The following PRKCZ variants were observed in gnomAD, a reference collection of about 807,000 sequenced individuals.
The protein encoded by PRKCZ is protein kinase C zeta type.
PRKCZ carries 33 observed loss-of-function variants against 79.5 expected under a neutral mutation model. The ratio of observed to expected loss-of-function variants is 0.41; its 90% CI spans 0.31 to 0.55. The LOEUF is 0.55. Among genes scored for constraint, PRKCZ ranks in the 20% least tolerant of loss-of-function variants. The pLI is 0.19. For synonymous variants in PRKCZ, 342 were observed against 320.9 expected (o/e 1.07, Z -0.70); for missense variants, 578 against 813.5 (o/e 0.71, Z 3.52).
intron 4 of PRKCZ, among the ~76,000 whole-genome samples, chr1:2,111,417 CAG>C (rs1669722233): frequency 1.3e-5 from 2 of 150,770 alleles, no homozygotes. Context: ...ATGAGGGGGC[CAG>C]AGGGGATCAC....
intron 5 of PRKCZ, among the ~76,000 whole-genome samples, chr1:2,137,936 C>T (rs376298602): frequency 8.6e-4 from 131 of 152,302 alleles, no homozygotes; most frequent in African/African-American, 2.9e-3. Flanking sequence ...GAGAGTGGCC[C>T]GAAAGCCTGC....
chr1:2,175,773 C>A (rs898011685), intron 16 of PRKCZ, among the ~76,000 whole-genome samples: 6 of 152,088 alleles, frequency 3.9e-5, no homozygotes, highest in African/African-American at 1.4e-4. Flanking sequence ...CACATTTCGT[C>A]CTCCGGAGCC....
At chr1:2,095,512 G>A (rs1412920666) in intron 4 of PRKCZ, among the ~76,000 whole-genome samples, 1 of 152,066 alleles carries the variant, frequency 6.6e-6, no homozygotes, top group Non-Finnish European at 1.5e-5. Context: ...CCCTCCTCCC[G>A]TGGATGCCTT....
chr1:2,149,039 G>T lies in PRKCZ; in HGVS notation c.687+115G>T. On this transcript the variant is annotated intron_variant, in intron 8 of 17. Transcript: ENST00000378567. This position sits in a 1 kb window ranked among gnomAD's most constrained non-coding sequence, Gnocchi z 4.1. ...TGAAATAGACATGGTCCGGGGTGTT[G>T]CTAACTAATCTTCACGGGTGTGGAT... 1 of 1,166,014 alleles carries T rather than the reference G, an allele frequency of 8.6e-7. No individual in the cohort carries two copies. The highest frequency in any genetic ancestry group is 1.3e-5 in the South Asian group (1 of 75,826). The allele number at this position is 1,166,014 out of a possible 1,614,324, so 72.2% of individuals were successfully genotyped here.
At chr1:2,129,722 G>A (rs1049847418) in intron 4 of PRKCZ, among the ~76,000 whole-genome samples, 14 of 152,114 alleles carry the variant, frequency 9.2e-5, no homozygotes, top group Non-Finnish European at 2.1e-4. Flanking sequence ...GGGCGGCCCT[G>A]CCTACAGCTG....
chr1:2,086,101 G>A (rs1421965609), intron 4 of PRKCZ, among the ~76,000 whole-genome samples: 4 of 141,898 alleles, frequency 2.8e-5, no homozygotes, highest in East Asian at 2.1e-4. Context: ...TTGCTCTGTC[G>A]CCCAGGCTGG....
intron 4 of PRKCZ, among the ~76,000 whole-genome samples, chr1:2,079,891 G>A (rs985849821): frequency 6.6e-5 from 10 of 152,206 alleles, no homozygotes; most frequent in African/African-American, 1.2e-4. Context: ...TCCTGCCTGG[G>A]AGGGCCGGGC....
intron 10 of PRKCZ, among the ~76,000 whole-genome samples, chr1:2,160,546 C>T (rs749601669): frequency 5.3e-5 from 8 of 152,280 alleles, no homozygotes; most frequent in East Asian, 1.9e-4. Context: ...CAGGGGCTTT[C>T]GAAGCTGGAC....
At chr1:2,107,973 GACAGTGTCAAGGGAGCCCCCCA>G (rs1486601170) in intron 4 of PRKCZ, among the ~76,000 whole-genome samples, 3 of 149,466 alleles carry the variant, frequency 2.0e-5, no homozygotes, top group Non-Finnish European at 4.4e-5. Context: ...GGAGCCCCCA[GACAGTGTCAAGGGAGCCCCCCA>G]ACCCCGGCAG....
At chr1:2,067,274 A>T (rs564322144) in intron 4 of PRKCZ, among the ~76,000 whole-genome samples, 66 of 152,306 alleles carry the variant, frequency 4.3e-4, no homozygotes, top group African/African-American at 1.5e-3. Context: ...TGTCAGAGCT[A>T]TGCGGGTTAC....
intron 4 of PRKCZ, among the ~76,000 whole-genome samples, chr1:2,095,705 C>T (rs1666341543): frequency 6.7e-6 from 1 of 150,096 alleles, no homozygotes. Context: ...CACAGCTCCC[C>T]TCCCCTCCCC....
chr1:2,065,160 A>G (rs1216997884), intron 4 of PRKCZ, among the ~76,000 whole-genome samples: 3 of 152,204 alleles, frequency 2.0e-5, no homozygotes, highest in Non-Finnish European at 2.9e-5. Flanking sequence ...TTGTAAGTGT[A>G]TAAAAGTGCA....
intron 4 of PRKCZ, among the ~76,000 whole-genome samples, chr1:2,118,473 G>C (rs573809080): frequency 1.3e-5 from 2 of 152,006 alleles, no homozygotes; most frequent in East Asian, 3.9e-4. Context: ...GAGTAGCTGG[G>C]ACTACAGGTG....
In PRKCZ at chr1:2,082,511, G is replaced by A. The variant is rs1158715003; in HGVS notation, c.334+22920G>A. The A allele has an allele frequency of 4.7e-6, 2 of 426,094 alleles. No individual in the cohort carries two copies. The highest frequency in any genetic ancestry group is 2.0e-5 in the African/African-American group (1 of 49,138). The allele number at this position is 426,094 out of a possible 1,614,324, so 26.4% of individuals were successfully genotyped here. Reference sequence around the variant, plus strand: ...CCTAGCGACCGGTTTTGTGATGTGGGCAGTGCCGTGCTGGTAAATGCTCTG... The same window carrying A: ...CCTAGCGACCGGTTTTGTGATGTGGACAGTGCCGTGCTGGTAAATGCTCTG... On this transcript the variant is annotated intron_variant, in intron 4 of 17. Coordinates refer to ENST00000378567, the MANE Select transcript of PRKCZ (RefSeq NM_002744.6). The surrounding 1 kb of genome is among the most constrained non-coding windows in gnomAD (Gnocchi z 4.4).
intron 16 of PRKCZ, among the ~76,000 whole-genome samples, chr1:2,183,286 C>G (rs1230219524): frequency 1.3e-5 from 2 of 152,028 alleles, no homozygotes; most frequent in Non-Finnish European, 2.9e-5. Context: ...GTCCCGGCTA[C>G]TCAGGAGACT....
Position 2,131,881 on chromosome 1 carries a change from G to T in PRKCZ, c.335-3381G>T, listed in dbSNP as rs376421861. On this transcript the variant is annotated intron_variant, in intron 4 of 17. Coordinates refer to ENST00000378567, the MANE Select transcript of PRKCZ (RefSeq NM_002744.6). ...GGCTGGAGTGCAGTGGCGCGATCGC[G>T]GCTCACTGCAAGCTCCACCTCCCGG... Among the ~76,000 whole-genome samples the T allele has an allele frequency of 4.7e-4, 71 of 152,306 alleles. No homozygotes were observed. In the South Asian group the frequency reaches 5.6e-3, roughly 12 times the overall value.
Position 2,148,405 on chromosome 1 carries a change from CATCT to C in PRKCZ, c.635-464_635-461del, listed in dbSNP as rs200863102. On this transcript the variant is annotated intron_variant, in intron 7 of 17. Transcript: ENST00000378567. ...CCACTGACCTCTCCGTCTATCCATC[CATCT>C]ATTGTCCACTAACCTCTCCATCTAT... Among the ~76,000 whole-genome samples, 28 of 152,060 alleles carry C rather than the reference CATCT, an allele frequency of 1.8e-4. No homozygotes were observed. In the East Asian group the frequency reaches 5.2e-3, roughly 28 times the overall value.
intron 5 of PRKCZ, among the ~76,000 whole-genome samples, chr1:2,138,570 G>T (rs564131461): frequency 4.6e-5 from 7 of 152,166 alleles, no homozygotes; most frequent in African/African-American, 9.6e-5. Flanking sequence ...GCCCAGGAAT[G>T]GGGGGTGAGG....
At chr1:2,155,884 T>C in intron 9 of PRKCZ, 111 bp from the exon 10 acceptor site, 2 of 922,490 alleles carry the variant, frequency 2.2e-6, no homozygotes, top group Non-Finnish European at 3.5e-6. Flanking sequence ...CCTGTCTGCA[T>C]TGTCTTCCTG....
Sources: gnomAD v4.1 joint callset for allele counts (sites outside exome capture counted in the v4.1 genomes callset) on GRCh38, gnomAD v4.1.1 for gene constraint, Gnocchi (gnomAD v3.1) non-coding constraint, MANE v1.5 for transcripts, NCBI Gene and HGNC (gene_info 2026-07-23, HGNC 2026-07-21) for gene names.